TPRG1: variants seen among roughly 807,000 people sequenced by gnomAD.
TPRG1 encodes tumor protein p63-regulated gene 1 protein.
TPRG1 carries 29 observed loss-of-function variants against 29.3 expected under a neutral mutation model. That is an observed-to-expected ratio of 0.99 (90% CI 0.74 to 1.35). The LOEUF is 1.35. Among genes scored for constraint, TPRG1 ranks in the 40% most tolerant of loss-of-function variants. The pLI is 0.00. For synonymous variants in TPRG1, 130 were observed against 116.8 expected (o/e 1.11, Z -0.73); for missense variants, 327 against 335.0 (o/e 0.98, Z 0.19).
At chr3:189,110,627 G>GT (rs1462327818) in intron 1 of TPRG1, among the ~76,000 whole-genome samples, 1 of 151,884 alleles carries the variant, frequency 6.6e-6, no homozygotes, top group Non-Finnish European at 1.5e-5. Context: ...CAGTTACAAA[G>GT]TTTTTTGGTA....
intron 4 of TPRG1, among the ~76,000 whole-genome samples, chr3:189,298,695 A>G (rs1720344611): frequency 6.6e-6 from 1 of 152,216 alleles, no homozygotes; most frequent in African/African-American, 2.4e-5. Context: ...GCCATAACCT[A>G]GAGAGTGTGT....
intron 1 of TPRG1, among the ~76,000 whole-genome samples, 181 bp downstream of exon 1, chr3:189,172,312 G>A (rs1728909113): frequency 1.3e-5 from 2 of 151,586 alleles, no homozygotes; most frequent in Admixed American, 6.6e-5. Context: ...GTCCAGGGTT[G>A]ATGAGGCTTG....
intron 1 of TPRG1, among the ~76,000 whole-genome samples, chr3:189,107,148 C>T (rs1719921460): frequency 6.6e-6 from 1 of 151,980 alleles, no homozygotes; most frequent in South Asian, 2.1e-4. Flanking sequence ...AGATATTTCC[C>T]ATTTACCTCC....
At chr3:188,999,641 C>T (rs1339096991) in intron 1 of TPRG1, among the ~76,000 whole-genome samples, 1 of 151,926 alleles carries the variant, frequency 6.6e-6, no homozygotes, top group Admixed American at 6.6e-5. Flanking sequence ...AATGAGTTAA[C>T]ACATGAAAAG....
intron 3 of TPRG1, among the ~76,000 whole-genome samples, chr3:189,015,437 A>G (rs995513509): frequency 6.6e-6 from 1 of 152,212 alleles, no homozygotes; most frequent in Non-Finnish European, 1.5e-5. Flanking sequence ...TAGAGAAGAA[A>G]AAAACATTTT....
At chr3:189,128,373 G>T (rs990162278) in intron 2 of TPRG1, among the ~76,000 whole-genome samples, 1 of 152,090 alleles carries the variant, frequency 6.6e-6, no homozygotes, top group South Asian at 2.1e-4. Context: ...GTCAAGGTAG[G>T]TTTATCAGAT....
chr3:189,116,586 C>T (rs977021366), intron 1 of TPRG1, among the ~76,000 whole-genome samples: 1 of 152,002 alleles, frequency 6.6e-6, no homozygotes, highest in Non-Finnish European at 1.5e-5. Context: ...TATGCATGTA[C>T]AACAGAATAG....
chr3:189,200,796 T>A (rs1255286848), intron 1 of TPRG1, among the ~76,000 whole-genome samples: 3 of 152,218 alleles, frequency 2.0e-5, no homozygotes, highest in Non-Finnish European at 4.4e-5. Context: ...GGCCTCAGTT[T>A]CCTTACTTGT....
Position 189,320,865 on chromosome 3 carries a change from T to G in TPRG1, c.*45T>G. The G allele has an allele frequency of 2.8e-6, 4 of 1,414,976 alleles. No individual in the cohort carries two copies. The highest frequency in any genetic ancestry group is 2.8e-6 in the Non-Finnish European group (3 of 1,068,748). 87.7% of individuals were successfully genotyped at this position (1,414,976 alleles called of 1,614,324 possible). Reference sequence around the variant, plus strand: ...AGCATATCATCCACAGATATGTCACTTTGAAAATTCCAGTTTGACCCACGC... The same window carrying G: ...AGCATATCATCCACAGATATGTCACGTTGAAAATTCCAGTTTGACCCACGC... On this transcript the variant is annotated 3_prime_UTR_variant, in exon 6 of 6. Coordinates refer to ENST00000345063, the MANE Select transcript of TPRG1 (RefSeq NM_198485.4).
intron 5 of TPRG1, among the ~76,000 whole-genome samples, chr3:189,163,042 C>T (rs943929212): frequency 6.6e-6 from 1 of 152,158 alleles, no homozygotes; most frequent in Non-Finnish European, 1.5e-5. Context: ...GAGGCCCAGG[C>T]GGGTGGGTCA....
intron 4 of TPRG1, among the ~76,000 whole-genome samples, chr3:189,289,813 C>T (rs1233485156): frequency 6.6e-6 from 1 of 151,966 alleles, no homozygotes; most frequent in Non-Finnish European, 1.5e-5. Flanking sequence ...AGATTTTTGC[C>T]CACGATGCTC....
intron 3 of TPRG1, among the ~76,000 whole-genome samples, chr3:189,010,033 A>G (rs1712512397): frequency 6.6e-6 from 1 of 152,146 alleles, no homozygotes; most frequent in South Asian, 2.1e-4. Flanking sequence ...CTTATAAGTG[A>G]GAACATAGGT....
chr3:189,218,727 C>CAT (rs1736479715), intron 3 of TPRG1, among the ~76,000 whole-genome samples: 1 of 152,134 alleles, frequency 6.6e-6, no homozygotes, highest in Non-Finnish European at 1.5e-5. Flanking sequence ...AAATGAAGAA[C>CAT]ATATAAGTGA....
At chr3:189,254,466 C>G (rs981051553) in intron 4 of TPRG1, among the ~76,000 whole-genome samples, 2 of 152,156 alleles carry the variant, frequency 1.3e-5, no homozygotes, top group African/African-American at 2.4e-5. Context: ...ATGCCTCCAG[C>G]TTTGTTCTTT....
intron 3 of TPRG1, among the ~76,000 whole-genome samples, chr3:189,008,038 A>G (rs1435228092): frequency 6.7e-6 from 1 of 149,416 alleles, no homozygotes; most frequent in Admixed American, 6.7e-5. Context: ...CCTAAAACCT[A>G]AAGTATAATA....
intron 2 of TPRG1, among the ~76,000 whole-genome samples, chr3:189,213,743 T>G (rs1735624923): frequency 6.6e-6 from 1 of 152,164 alleles, no homozygotes; most frequent in Admixed American, 6.5e-5. Context: ...TTTGTTTTTA[T>G]TCCCTCTCCT....
intron 4 of TPRG1, among the ~76,000 whole-genome samples, chr3:189,278,676 C>T (rs997000074): frequency 3.9e-5 from 6 of 152,188 alleles, no homozygotes; most frequent in Admixed American, 3.9e-4. Context: ...GAAAACATCT[C>T]CTATGCTTCT....
At chr3:189,197,621 A>G (rs957680230) in intron 1 of TPRG1, among the ~76,000 whole-genome samples, 23 of 152,112 alleles carry the variant, frequency 1.5e-4, no homozygotes, top group African/African-American at 4.8e-5. Flanking sequence ...TCTCCTGCCA[A>G]CTCTCTTCTA....
At chr3:189,252,039 C>A (rs368857831) in intron 4 of TPRG1, among the ~76,000 whole-genome samples, 2,046 of 152,220 alleles carry the variant, frequency 0.013, 42 homozygotes, top group African/African-American at 0.047. Context: ...GTCCCTGCGG[C>A]CTTCTGCAGT....
Sources: gnomAD v4.1 joint callset for allele counts (sites outside exome capture counted in the v4.1 genomes callset) on GRCh38, gnomAD v4.1.1 for gene constraint, MANE v1.5 for transcripts, NCBI Gene and HGNC (gene_info 2026-07-23, HGNC 2026-07-21) for gene names.